Variants in RAD52 observed in about 807,000 individuals in gnomAD.
RAD52 encodes the protein DNA repair protein RAD52 homolog.
RAD52 carries 47 observed loss-of-function variants against 55.5 expected under a neutral mutation model. The ratio of observed to expected loss-of-function variants is 0.85; its 90% confidence interval spans 0.67 to 1.08. The LOEUF (loss-of-function observed/expected upper bound fraction) is 1.08. Ranked by LOEUF, RAD52 falls within the 50% of genes least tolerant of loss-of-function variation. The pLI, the probability that RAD52 is intolerant of heterozygous loss-of-function variation, is 0.00. For missense variants in RAD52, 468 were observed against 522.8 expected (o/e 0.90, Z 1.02); for synonymous variants, 184 against 198.9 (o/e 0.92, Z 0.63).
intron 7 of RAD52, among the ~76,000 whole-genome samples, chr12:917,678 A>C: frequency 6.6e-6 from 1 of 151,074 alleles, no homozygotes; most frequent in Non-Finnish European, 1.5e-5. Flanking sequence ...CAGGGGTTCA[A>C]GACCAGCCTG....
Position 912,415 on chromosome 12 carries a change from T to G in RAD52, c.*976A>C, listed in dbSNP as rs1406287705. The G allele has an allele frequency of 4.9e-6, 1 of 202,230 alleles. No homozygotes were observed. The highest frequency in any genetic ancestry group is 7.6e-5 in the East Asian group (1 of 13,208). The allele number at this position is 202,230 out of a possible 1,614,324, so 12.5% of individuals were successfully genotyped here. A position where few individuals can be genotyped will look rare whatever the true frequency, so the allele number is the denominator to read the frequency against. ...GGCATATACACGAAACACAGGTGAATTCCACGTTCAGACTTGGGTCCCATC... is the reference window on the plus strand; with the variant it reads ...GGCATATACACGAAACACAGGTGAAGTCCACGTTCAGACTTGGGTCCCATC... On this transcript the variant is annotated 3_prime_UTR_variant, in exon 12 of 12. Transcript: ENST00000358495.
chr12:923,244 A>G (rs895992668), intron 7 of RAD52, among the ~76,000 whole-genome samples: 4 of 152,006 alleles, frequency 2.6e-5, no homozygotes, highest in East Asian at 3.9e-4. Flanking sequence ...CCCCCAAAAA[A>G]AGTTAATTAG....
chr12:945,656 G>C (rs992534206), intron 1 of RAD52, among the ~76,000 whole-genome samples: 2 of 150,882 alleles, frequency 1.3e-5, no homozygotes, highest in Admixed American at 6.6e-5. Context: ...GGCTGGTCTC[G>C]AACTCCTGAC....
In RAD52 at chr12:930,034, C is replaced by A; in HGVS notation, c.280+17G>T. 1.2e-6 allele frequency: 2 copies of A among 1,609,888 alleles called. No individual in the cohort carries two copies. Among genetic ancestry groups the A allele is most frequent in the Non-Finnish European group, 1.7e-6 (2 of 1,176,096 alleles). ...CTGGACAGTGCAGAAGTCCCCACTG[C>A]TGGAGAGCATACTCACCCACATTCT... is the stretch of plus-strand genomic sequence containing the variant. On this transcript the variant is annotated intron_variant, in intron 4 of 11. Transcript: ENST00000358495.
In RAD52 at chr12:913,973, G is replaced by C; in HGVS notation, c.1116C>G (p.His372Gln). The change falls in exon 11 of 12, where the codon CAC (histidine) becomes CAG (glutamine). Residue 372 changes from histidine (H) to glutamine (Q), a missense_variant. Coordinates refer to ENST00000358495, the MANE Select transcript of RAD52 (RefSeq NM_134424.4). The part of the protein sequence containing the change: ...NQMVTQNRTP[H>Q]SVCHQKPQAK... ...CTTGTGGTTTCTGGTGGCAAACGCT[G>C]TGTGGAGTCCTGTTCTGGGTCACCA... The C allele has an allele frequency of 6.2e-7, 1 of 1,614,172 alleles. No homozygotes were observed. Among genetic ancestry groups the C allele is most frequent in the Non-Finnish European group, 8.5e-7 (1 of 1,180,040 alleles).
intron 1 of RAD52, among the ~76,000 whole-genome samples, chr12:957,731 A>G (rs907807814): frequency 6.6e-6 from 1 of 152,202 alleles, no homozygotes; most frequent in African/African-American, 2.4e-5. Context: ...CGGAGGTTGC[A>G]GTGAGTGGAG....
intron 5 of RAD52, 172 bp downstream of exon 5, chr12:929,647 C>A: frequency 1.3e-6 from 1 of 792,100 alleles, no homozygotes; most frequent in East Asian, 2.4e-5. Context: ...TTTTTCCATT[C>A]TTTTAGGGAG....
In RAD52 at chr12:912,483, AAAC is replaced by A. The variant is rs1216810628; in HGVS notation, c.*905_*907del. On this transcript the variant is annotated 3_prime_UTR_variant, in exon 12 of 12. Transcript: ENST00000358495. ...TGTATACAAATATTCAAAAAATGCAAAACAATTCTGGTTTCAAGCATTTCAGAT... is the reference window on the plus strand; with the variant it reads ...TGTATACAAATATTCAAAAAATGCAAAATTCTGGTTTCAAGCATTTCAGAT... 1 of 193,288 alleles carries A rather than the reference AAAC, an allele frequency of 5.2e-6. No homozygotes were observed. The highest frequency in any genetic ancestry group is 2.3e-5 in the African/African-American group (1 of 43,070). The allele number at this position is 193,288 out of a possible 1,614,324, so 12.0% of individuals were successfully genotyped here.
At chr12:986,762 T>TA (rs1049406978) in intron 1 of RAD52, among the ~76,000 whole-genome samples, 9 of 149,388 alleles carry the variant, frequency 6.0e-5, no homozygotes, top group East Asian at 1.9e-4. Flanking sequence ...TTTTTTTTTT[T>TA]ATCATAGTAA....
At chr12:917,176 G>A (rs920682430) in intron 7 of RAD52, among the ~76,000 whole-genome samples, 5 of 152,142 alleles carry the variant, frequency 3.3e-5, no homozygotes, top group African/African-American at 7.2e-5. Flanking sequence ...AACCCTTTCT[G>A]CCAGGGCCAC....
At chr12:930,024 G>A in intron 4 of RAD52, 27 bp downstream of exon 4, 1 of 1,602,976 alleles carries the variant, frequency 6.2e-7, no homozygotes, top group Non-Finnish European at 8.5e-7. Context: ...CAGTGCAGAA[G>A]TCCCCACTGC....
chr12:925,100 A>G lies in RAD52; in HGVS notation c.543+350T>C, dbSNP rs11064594. Among the ~76,000 whole-genome samples, 1,123 of 151,750 alleles carry G rather than the reference A, an allele frequency of 7.4e-3. 12 individuals are homozygous for G. Among genetic ancestry groups the G allele is most frequent in the African/African-American group, 0.026 (1,066 of 41,378 alleles). ...CGAGTAGCTGGGACTACAGGCGCCCACCACCTCGCCCGGCTAATTTTTTGT... is the reference window on the plus strand; with the variant it reads ...CGAGTAGCTGGGACTACAGGCGCCCGCCACCTCGCCCGGCTAATTTTTTGT... On this transcript the variant is annotated intron_variant, in intron 7 of 11. Coordinates refer to ENST00000358495, the MANE Select transcript of RAD52 (RefSeq NM_134424.4).
rs1201533873 is a variant in RAD52 at position 911,989 on chromosome 12, A to C, written c.*1402T>G. 2.0e-5 allele frequency: 4 copies of C among 196,848 alleles called. No homozygotes were observed. The highest frequency in any genetic ancestry group is 4.2e-5 in the Non-Finnish European group (4 of 95,622). The allele number at this position is 196,848 out of a possible 1,614,324, so 12.2% of individuals were successfully genotyped here. A position where few individuals can be genotyped will look rare whatever the true frequency, so the allele number is the denominator to read the frequency against. ...CAATGAGTCAAGATGGCACCGCTGC[A>C]CTCCAGCCTGCGCTACAGAGCCAGA... On this transcript the variant is annotated 3_prime_UTR_variant, in exon 12 of 12. Transcript: ENST00000358495.
chr12:983,280 A>G (rs991282058), intron 1 of RAD52, among the ~76,000 whole-genome samples: 2 of 152,110 alleles, frequency 1.3e-5, no homozygotes, highest in African/African-American at 2.4e-5. Context: ...AAAAGTCTAC[A>G]TTATTCTGCT....
intron 1 of RAD52, among the ~76,000 whole-genome samples, chr12:941,663 G>T (rs969686889): frequency 7.1e-6 from 1 of 141,804 alleles, no homozygotes; most frequent in African/African-American, 2.6e-5. Context: ...ACAGAGTTTT[G>T]CTCTTGTTGC....
In RAD52 at chr12:932,992, C is replaced by A; in HGVS notation, c.67G>T (p.Val23Leu). ...DSHPAAGGGS[V>L]LCFGQCQYTA... ...ACAGTTACCTGTCCAAAGCATAACA[C>A]TGAGCCGCCGCCAGCAGCAGGATGG... The change falls in exon 2 of 12, where the codon GTG becomes TTG. Residue 23 changes from valine (V) to leucine (L), a missense_variant. Transcript: ENST00000358495. The A allele has an allele frequency of 6.2e-7, 1 of 1,614,080 alleles. No homozygotes were observed. The highest frequency in any genetic ancestry group is 2.2e-5 in the East Asian group (1 of 44,874).
At chr12:961,309 CAAA>C (rs60547688) in intron 1 of RAD52, among the ~76,000 whole-genome samples, 30 of 33,810 alleles carry the variant, frequency 8.9e-4, no homozygotes, top group South Asian at 6.7e-3. Flanking sequence ...GACTCCATCT[CAAA>C]AAAAAAAAAA....
upstream of RAD52, among the ~76,000 whole-genome samples, chr12:952,847 T>C (rs79650471): frequency 0.099 from 13,050 of 132,390 alleles, 700 homozygotes; most frequent in Middle Eastern, 0.19. Context: ...AGCCGAGATA[T>C]AGTCATTGCA....
chr12:947,702 C>A (rs1958320077), intron 1 of RAD52, among the ~76,000 whole-genome samples: 3 of 151,348 alleles, frequency 2.0e-5, no homozygotes, highest in African/African-American at 7.3e-5. Flanking sequence ...GCATGGCCAA[C>A]ATGGTGAAAC....
Sources: gnomAD v4.1 joint callset for allele counts (sites outside exome capture counted in the v4.1 genomes callset) on GRCh38, gnomAD v4.1.1 for gene constraint, MANE v1.5 for transcripts, NCBI Gene and HGNC (gene_info 2026-07-23, HGNC 2026-07-21) for gene names.